ITGAM: variants seen among roughly 807,000 people sequenced by gnomAD.
The protein encoded by ITGAM is integrin subunit alpha M, also known as integrin alpha-M.
A neutral mutation model predicts 137.5 loss-of-function variants in ITGAM; 79 were observed. That is an observed-to-expected ratio of 0.57 (90% CI 0.48 to 0.69). ITGAM has a LOEUF of 0.69. Among genes scored for constraint, ITGAM ranks in the 30% least tolerant of loss-of-function variants. The pLI is 0.00. For synonymous variants in ITGAM, 583 were observed against 592.3 expected, an observed-to-expected ratio of 0.98 and a Z score of 0.23; for missense variants, 1,343 against 1,483.5, an observed-to-expected ratio of 0.91 and a Z score of 1.56.
At chr16:31,272,993 C>T (rs545939822) in intron 7 of ITGAM, among the ~76,000 whole-genome samples, 49 of 151,952 alleles carry the variant, frequency 3.2e-4, no homozygotes, top group Admixed American at 3.2e-3. Flanking sequence ...CTGACATTTC[C>T]TTTCTGACGT....
chr16:31,285,305 T>G (rs1438439985), intron 12 of ITGAM, among the ~76,000 whole-genome samples: 3 of 152,048 alleles, frequency 2.0e-5, no homozygotes, highest in African/African-American at 7.2e-5. Context: ...TGCCTTTTAG[T>G]TTTTACTTCT....
chr16:31,264,590 G>A (rs951231257), intron 2 of ITGAM, among the ~76,000 whole-genome samples: 2 of 152,140 alleles, frequency 1.3e-5, no homozygotes, highest in African/African-American at 4.8e-5. Flanking sequence ...GTTGCAGTGA[G>A]CTATGATTAT....
intron 12 of ITGAM, among the ~76,000 whole-genome samples, chr16:31,295,699 G>T (rs1007844766): frequency 6.6e-6 from 1 of 151,370 alleles, no homozygotes; most frequent in Non-Finnish European, 1.5e-5. Context: ...TCTGATTTGG[G>T]TCTCTTTCAT....
chr16:31,304,895 T>C (rs1265335935), intron 14 of ITGAM, among the ~76,000 whole-genome samples: 7 of 152,214 alleles, frequency 4.6e-5, no homozygotes, highest in Non-Finnish European at 1.0e-4. Flanking sequence ...GGTACTGTGA[T>C]GCCTCCAGAT....
rs761993651 is a variant in ITGAM at position 31,278,037 on chromosome 16, C to T, written c.1284C>T (p.His428=). 1.2e-6 allele frequency: 2 copies of T among 1,607,610 alleles called. No homozygotes were observed. The highest frequency in any genetic ancestry group is 1.3e-5 in the African/African-American group (1 of 74,786). The part of the protein sequence containing the change: ...SLVLGAPRYQ[H]IGLVAMFRQN... ...TTCTGGGGGCACCTCGATATCAGCA[C>T]ATCGGCCTGGTAGCGATGTTCAGGC... Residue 428 remains histidine (H), a synonymous_variant, in exon 12 of 30, where the codon CAC becomes CAT. Transcript: ENST00000544665.
At chr16:31,278,172 A>G in intron 12 of ITGAM, 63 bp downstream of exon 12, 1 of 1,512,962 alleles carries the variant, frequency 6.6e-7, no homozygotes, top group Non-Finnish European at 8.9e-7. Context: ...TAGAGATTCC[A>G]GGAGGGGCAT....
intron 14 of ITGAM, among the ~76,000 whole-genome samples, chr16:31,298,993 C>T (rs1409599971): frequency 6.6e-6 from 1 of 152,130 alleles, no homozygotes; most frequent in Admixed American, 6.5e-5. Context: ...CATATTCTTT[C>T]CCACCATAGC....
intron 12 of ITGAM, among the ~76,000 whole-genome samples, chr16:31,282,989 G>T (rs1206497415): frequency 6.6e-6 from 1 of 152,106 alleles, no homozygotes; most frequent in African/African-American, 2.4e-5. Flanking sequence ...GCTTAGTTTG[G>T]CTGGATATGA....
intron 5 of ITGAM, among the ~76,000 whole-genome samples, chr16:31,267,894 T>C (rs2079787484): frequency 6.6e-6 from 1 of 152,156 alleles, no homozygotes; most frequent in African/African-American, 2.4e-5. Flanking sequence ...TCTTCCCACC[T>C]CAGCCTCCCA....
At chr16:31,310,580 C>A (rs1467990487) in intron 14 of ITGAM, among the ~76,000 whole-genome samples, 1 of 152,118 alleles carries the variant, frequency 6.6e-6, no homozygotes, top group Non-Finnish European at 1.5e-5. Flanking sequence ...ATTGATTATT[C>A]TAGTTATCCA....
chr16:31,328,018 C>G, intron 22 of ITGAM, 129 bp from the exon 23 acceptor site: 1 of 731,372 alleles, frequency 1.4e-6, no homozygotes, highest in Admixed American at 2.0e-5. Context: ...GGTTGGAGAA[C>G]AGTGGGGTTT....
At chr16:31,297,057 ATTC>A (rs1238494146) in intron 12 of ITGAM, among the ~76,000 whole-genome samples, 1 of 152,082 alleles carries the variant, frequency 6.6e-6, no homozygotes, top group Non-Finnish European at 1.5e-5. Flanking sequence ...TCCAACCCAA[ATTC>A]TTCTTTGCTG....
chr16:31,328,860 G>A (rs565153550), intron 23 of ITGAM: 3 of 389,216 alleles, frequency 7.7e-6, no homozygotes, highest in African/African-American at 2.1e-5. Context: ...GTGTGTGAGG[G>A]TCTATGTGCA....
At chr16:31,274,337 T>C (rs1489538733) in intron 8 of ITGAM, among the ~76,000 whole-genome samples, 1 of 152,106 alleles carries the variant, frequency 6.6e-6, no homozygotes, top group Admixed American at 6.6e-5. Flanking sequence ...GGAGAAAGGA[T>C]GAATGAAAAG....
chr16:31,325,180 T>C lies in ITGAM; in HGVS notation c.2364-83T>C, dbSNP rs41518449. On this transcript the variant is annotated intron_variant, in intron 19 of 29. Transcript: ENST00000544665. The stretch of plus-strand genomic sequence containing the variant: ...TCCACTGTTGTCTCTTCATCAAGTG[T>C]CTGCGTCTCTGTTCTGCTGGAGCAG... 3.4e-4 allele frequency: 521 copies of C among 1,525,474 alleles called. 3 individuals carry two copies. In the African/African-American group the frequency reaches 6.6e-3, roughly 19 times the overall value. The allele number at this position is 1,525,474 out of a possible 1,614,324, so 94.5% of individuals were successfully genotyped here.
At chr16:31,285,044 C>G (rs370996168) in intron 12 of ITGAM, among the ~76,000 whole-genome samples, 1 of 152,086 alleles carries the variant, frequency 6.6e-6, no homozygotes, top group Non-Finnish European at 1.5e-5. Context: ...CCCGAGTGAG[C>G]AATTCCTGTC....
At position 31,297,498 on chromosome 16, in the gene ITGAM, G is replaced by C; in HGVS notation, c.1357-16G>C. On this transcript the variant is annotated splice_polypyrimidine_tract_variant and intron_variant, in intron 12 of 29. Coordinates refer to ENST00000544665, the MANE Select transcript of ITGAM (RefSeq NM_000632.4). ...AGGTGGGAAGAGGTGTGTGATTACG[G>C]TCCTGTCTCTTTCAGATCGGCGCCT... is the stretch of plus-strand genomic sequence containing the variant. 1 of 1,611,900 alleles carries C rather than the reference G, an allele frequency of 6.2e-7. No individual in the cohort carries two copies. Among genetic ancestry groups the C allele is most frequent in the Non-Finnish European group, 8.5e-7 (1 of 1,179,814 alleles).
chr16:31,314,844 A>G (rs148871734), intron 14 of ITGAM, among the ~76,000 whole-genome samples: 2,146 of 128,230 alleles, frequency 0.017, 45 homozygotes, highest in African/African-American at 0.059. Flanking sequence ...TTTTTTTGAG[A>G]TGGAGTCTCA....
At chr16:31,281,439 T>G (rs917868766) in intron 12 of ITGAM, among the ~76,000 whole-genome samples, 10 of 152,218 alleles carry the variant, frequency 6.6e-5, no homozygotes, top group African/African-American at 2.4e-4. Context: ...CTTCCTGGTT[T>G]AGTCTTGGGA....
Sources: allele counts gnomAD v4.1 joint callset (sites outside exome capture counted in the v4.1 genomes callset), GRCh38; gene constraint gnomAD v4.1.1; transcripts MANE v1.5; gene names NCBI Gene and HGNC (gene_info 2026-07-23, HGNC 2026-07-21).